Variants in NT5DC3 observed in about 807,000 individuals in gnomAD.
NT5DC3 encodes 5'-nucleotidase domain-containing protein 3.
NT5DC3 carries 42 observed loss-of-function variants against 67.8 expected under a neutral mutation model. The observed-to-expected ratio is 0.62, with a 90% CI of 0.48 to 0.80. The LOEUF (loss-of-function observed/expected upper bound fraction) is 0.80. Among genes scored for constraint, NT5DC3 ranks in the 30% least tolerant of loss-of-function variants. The pLI is 0.00. For missense variants in NT5DC3, 570 were observed against 696.4 expected (o/e 0.82, Z 2.04); for synonymous variants, 237 against 255.6 (o/e 0.93, Z 0.69).
At chr12:103,746,755 G>T in the NT5DC3 span, 30 of 1,576,856 alleles carry the variant, frequency 1.9e-5, no homozygotes, top group Non-Finnish European at 2.4e-5. Context: ...TGGGAGAGGA[G>T]CAGGACTTGC....
intron 6 of NT5DC3, 100 bp downstream of exon 6, chr12:103,796,794 T>C (rs576176773): frequency 7.8e-7 from 1 of 1,276,348 alleles, no homozygotes; most frequent in East Asian, 2.3e-5. Context: ...TAAGAGACTA[T>C]TTAAAACACC....
At chr12:103,829,513 T>C (rs576143790) in intron 1 of NT5DC3, among the ~76,000 whole-genome samples, 1 of 152,384 alleles carries the variant, frequency 6.6e-6, no homozygotes, top group South Asian at 2.1e-4. Flanking sequence ...TCAACCTTTC[T>C]ACATCTTTGT....
At position 103,785,357 on chromosome 12, in the gene NT5DC3, G is replaced by A; in HGVS notation, c.1307C>T (p.Thr436Ile). The A allele has an allele frequency of 6.2e-7, 1 of 1,614,114 alleles. No homozygotes were observed. Among genetic ancestry groups the A allele is most frequent in the South Asian group, 1.1e-5 (1 of 91,078 alleles). Residue 436 changes from threonine to isoleucine, a missense_variant, in exon 12 of 14, where the codon ACT becomes ATT. Thr to Ile is a moderately conservative substitution (Grantham distance 89). Coordinates refer to ENST00000392876, the MANE Select transcript of NT5DC3 (RefSeq NM_001031701.3). The stretch of plus-strand genomic sequence containing the variant: ...AACCTGCATCTGTTCCAATAAGCCA[G>A]TCAAGGTCTGCAGCCAGGTCATGGT... ...IQTMTWLQTL[T>I]GLLEQMQVHR...
chr12:103,838,882 T>C (rs1394689663), intron 1 of NT5DC3, among the ~76,000 whole-genome samples: 1 of 152,068 alleles, frequency 6.6e-6, no homozygotes, highest in Non-Finnish European at 1.5e-5. Flanking sequence ...TATGACTCCA[T>C]CAGCCTAACA....
the NT5DC3 span, chr12:103,763,643 T>C: frequency 1.9e-6 from 3 of 1,565,758 alleles, no homozygotes; most frequent in Non-Finnish European, 2.6e-6. Flanking sequence ...ATAGGTTCCC[T>C]TGGGGTACAG....
At chr12:103,752,909 A>G in the NT5DC3 span, among the ~76,000 whole-genome samples, 1 of 152,254 alleles carries the variant, frequency 6.6e-6, no homozygotes, top group Non-Finnish European at 1.5e-5. Context: ...GTAAAATTCT[A>G]GAAGGAAATG....
chr12:103,796,870 G>A (rs753276572), intron 6 of NT5DC3, 24 bp downstream of exon 6: 33 of 1,613,614 alleles, frequency 2.0e-5, no homozygotes, highest in Admixed American at 5.0e-5. Context: ...ACTCAGCACT[G>A]TAATCTCTCA....
chr12:103,762,806 C>T, the NT5DC3 span, among the ~76,000 whole-genome samples: 2 of 152,234 alleles, frequency 1.3e-5, no homozygotes, highest in Non-Finnish European at 2.9e-5. Context: ...GGGCTAGGGA[C>T]CCTACACAGC....
the NT5DC3 span, chr12:103,758,412 G>A: frequency 6.7e-7 from 1 of 1,490,932 alleles, no homozygotes; most frequent in Non-Finnish European, 9.0e-7. Flanking sequence ...CAGATCATCT[G>A]CAGATCAGTT....
downstream of NT5DC3, among the ~76,000 whole-genome samples, chr12:103,769,459 A>C (rs1207748138): frequency 1.3e-5 from 2 of 152,218 alleles, no homozygotes; most frequent in Non-Finnish European, 2.9e-5. Context: ...TCCGTCCCCA[A>C]CACACGTGCC....
intron 1 of NT5DC3, among the ~76,000 whole-genome samples, chr12:103,821,596 C>T (rs755614295): frequency 2.0e-5 from 3 of 152,134 alleles, no homozygotes; most frequent in Non-Finnish European, 4.4e-5. Flanking sequence ...TCTTTTCTTC[C>T]AAAGGTAGAT....
At chr12:103,752,938 G>A in the NT5DC3 span, among the ~76,000 whole-genome samples, 7 of 152,272 alleles carry the variant, frequency 4.6e-5, no homozygotes, top group African/African-American at 1.7e-4. Context: ...TGTTAGCCAT[G>A]GAGTAATGAT....
chr12:103,834,420 C>T (rs932755423), intron 1 of NT5DC3, among the ~76,000 whole-genome samples: 2 of 151,978 alleles, frequency 1.3e-5, no homozygotes, highest in Non-Finnish European at 2.9e-5. Flanking sequence ...TCATCAAAAA[C>T]AGGAAAAAGT....
intron 1 of NT5DC3, among the ~76,000 whole-genome samples, chr12:103,837,378 A>T (rs976850219): frequency 1.3e-5 from 2 of 152,216 alleles, no homozygotes; most frequent in Non-Finnish European, 2.9e-5. Flanking sequence ...GGGAATTAAC[A>T]TTAGGCTCTT....
At chr12:103,747,381 A>G in the NT5DC3 span, among the ~76,000 whole-genome samples, 28 of 152,180 alleles carry the variant, frequency 1.8e-4, no homozygotes, top group African/African-American at 6.5e-4. Context: ...GGGCTAATAC[A>G]GTTTCACTCT....
At chr12:103,818,497 T>C (rs1012766175) in intron 1 of NT5DC3, among the ~76,000 whole-genome samples, 10 of 148,148 alleles carry the variant, frequency 6.8e-5, no homozygotes, top group Middle Eastern at 3.4e-3. Context: ...TGCCTCTGCC[T>C]CCCAAGTAGC....
chr12:103,759,227 T>G, the NT5DC3 span: 2 of 1,613,976 alleles, frequency 1.2e-6, no homozygotes, highest in African/African-American at 2.7e-5. Flanking sequence ...CAAACGAGGC[T>G]GGGAAGCAAG....
the NT5DC3 span, among the ~76,000 whole-genome samples, chr12:103,759,990 A>G: frequency 6.6e-6 from 1 of 152,224 alleles, no homozygotes; most frequent in South Asian, 2.1e-4. Flanking sequence ...AGGGCAGTAA[A>G]TTGTGGCATG....
intron 9 of NT5DC3, among the ~76,000 whole-genome samples, chr12:103,789,894 G>A (rs1885966209): frequency 6.6e-6 from 1 of 152,084 alleles, no homozygotes; most frequent in Admixed American, 6.5e-5. Flanking sequence ...CAGAATTCTA[G>A]ACCCACCATG....
Sources: gnomAD v4.1 joint callset for allele counts (sites outside exome capture counted in the v4.1 genomes callset) on GRCh38, gnomAD v4.1.1 for gene constraint, MANE v1.5 for transcripts, NCBI Gene and HGNC (gene_info 2026-07-23, HGNC 2026-07-21) for gene names.